Variants in GRIN2B observed in about 807,000 individuals in gnomAD.
GRIN2B encodes the protein glutamate receptor ionotropic, NMDA 2B.
GRIN2B carries 5 observed loss-of-function variants against 114.5 expected under a neutral mutation model. The observed-to-expected ratio is 0.04, with a 90% confidence interval of 0.02 to 0.09. The LOEUF (loss-of-function observed/expected upper bound fraction) is 0.09. Ranked by LOEUF, GRIN2B falls within the 10% of genes least tolerant of loss-of-function variation. The probability of loss-of-function intolerance (pLI) is 1.00; values close to 1 mark genes in which losing one functional copy is unlikely to be tolerated. For synonymous variants in GRIN2B, 787 were observed against 745.1 expected, an observed-to-expected ratio of 1.06 and a Z score of -0.92; for missense variants, 1,108 against 1,943.5, an observed-to-expected ratio of 0.57 and a Z score of 8.08.
At chr12:13,825,496 T>TTTTTGTG (rs375940899) in intron 3 of GRIN2B, among the ~76,000 whole-genome samples, 33 of 122,970 alleles carry the variant, frequency 2.7e-4, no homozygotes, top group South Asian at 2.6e-3. Context: ...TATATATATT[T>TTTTTGTG]TGTGTGTGTG....
At chr12:13,711,641 C>T (rs1950415766) in intron 4 of GRIN2B, among the ~76,000 whole-genome samples, 1 of 152,094 alleles carries the variant, frequency 6.6e-6, no homozygotes, top group Admixed American at 6.5e-5. Flanking sequence ...CTCATCATCA[C>T]TGGCCATCAG....
chr12:13,971,114 T>C (rs1030523236), intron 2 of GRIN2B, among the ~76,000 whole-genome samples: 3 of 152,206 alleles, frequency 2.0e-5, no homozygotes, highest in African/African-American at 7.2e-5. Context: ...CCAGTAGATA[T>C]TTGAAAAATT....
At chr12:13,677,491 T>A (rs1376911549) in intron 4 of GRIN2B, among the ~76,000 whole-genome samples, 1 of 152,186 alleles carries the variant, frequency 6.6e-6, no homozygotes, top group African/African-American at 2.4e-5. Flanking sequence ...CTGTGTAGCT[T>A]CACAAATGCA....
intron 4 of GRIN2B, among the ~76,000 whole-genome samples, chr12:13,739,868 T>C (rs1863251236): frequency 1.3e-5 from 2 of 152,178 alleles, no homozygotes. Flanking sequence ...GGAACGCTGC[T>C]GAGTAGCACC....
intron 3 of GRIN2B, among the ~76,000 whole-genome samples, chr12:13,769,854 C>T (rs1369327244): frequency 6.6e-6 from 1 of 152,236 alleles, no homozygotes; most frequent in Non-Finnish European, 1.5e-5. Flanking sequence ...ATGGTGGCTG[C>T]TCCACATGTC....
At chr12:13,631,684 G>T (rs898808692) in intron 5 of GRIN2B, among the ~76,000 whole-genome samples, 1 of 152,140 alleles carries the variant, frequency 6.6e-6, no homozygotes, top group Non-Finnish European at 1.5e-5. Flanking sequence ...TGGCTCAACT[G>T]GATTCAAATC....
intron 3 of GRIN2B, among the ~76,000 whole-genome samples, chr12:13,768,900 G>A (rs546704018): frequency 6.6e-6 from 1 of 152,216 alleles, no homozygotes; most frequent in South Asian, 2.1e-4. Flanking sequence ...CTGGCTTGGT[G>A]GCAGGCGCCG....
intron 3 of GRIN2B, among the ~76,000 whole-genome samples, chr12:13,787,466 C>A (rs1864240617): frequency 6.6e-6 from 1 of 152,200 alleles, no homozygotes; most frequent in Non-Finnish European, 1.5e-5. Context: ...TAACCCCCAG[C>A]GCCTCTCCCT....
chr12:13,563,555 G>A lies in GRIN2B; in HGVS notation c.3683C>T (p.Thr1228Met), dbSNP rs75670883. The change falls in exon 14 of 14, where the codon ACG (threonine) becomes ATG (methionine). Residue 1228 changes from threonine (T) to methionine (M), a missense_variant. Physicochemically the swap from Thr to Met is moderately conservative, Grantham distance 81. This residue lies in a region of GRIN2B where 478 missense variants were observed against 506.0 expected (regional missense o/e 0.94). Transcript: ENST00000609686. ...CCTGCCCGAGTTCTGACCCGTCACC[G>A]TCGTGGAGTAGTTGTGCAGCTTGGA... ...CPSKLHNYST[T>M]VTGQNSGRQA... 23 of 1,613,998 alleles carry A rather than the reference G, an allele frequency of 1.4e-5. No individual in the cohort carries two copies. The East Asian group carries it at 2.2e-4, about 16-fold the overall frequency.
At chr12:13,844,412 C>T (rs549507572) in intron 3 of GRIN2B, among the ~76,000 whole-genome samples, 1 of 152,214 alleles carries the variant, frequency 6.6e-6, no homozygotes, top group African/African-American at 2.4e-5. Flanking sequence ...CTTTTTCTTC[C>T]CTTTAAGTAA....
At chr12:13,667,166 A>G (rs1949984457) in intron 5 of GRIN2B, among the ~76,000 whole-genome samples, 1 of 152,150 alleles carries the variant, frequency 6.6e-6, no homozygotes, top group Admixed American at 6.6e-5. Flanking sequence ...AACATGATGA[A>G]AAATGCAGAC....
intron 3 of GRIN2B, among the ~76,000 whole-genome samples, chr12:13,837,929 A>T (rs1287210325): frequency 6.6e-6 from 1 of 152,190 alleles, no homozygotes; most frequent in Admixed American, 6.5e-5. Context: ...CCATGGGCAC[A>T]CTGCGTTTCT....
chr12:13,735,463 A>C (rs1863161586), intron 4 of GRIN2B, among the ~76,000 whole-genome samples: 1 of 152,184 alleles, frequency 6.6e-6, no homozygotes, highest in Non-Finnish European at 1.5e-5. Context: ...TATTTGAGAA[A>C]TTTTAAGCAT....
chr12:13,731,870 A>G (rs552462278), intron 4 of GRIN2B, among the ~76,000 whole-genome samples: 2 of 152,306 alleles, frequency 1.3e-5, no homozygotes, highest in African/African-American at 4.8e-5. Flanking sequence ...TCTTAAAATA[A>G]CCATTTATCA....
At chr12:13,891,788 A>G (rs541790624) in intron 2 of GRIN2B, among the ~76,000 whole-genome samples, 9 of 152,322 alleles carry the variant, frequency 5.9e-5, no homozygotes, top group African/African-American at 2.2e-4. Flanking sequence ...TATGATCACC[A>G]TCGTCAACAC....
intron 4 of GRIN2B, among the ~76,000 whole-genome samples, chr12:13,722,083 A>G (rs1461527672): frequency 6.6e-6 from 1 of 152,168 alleles, no homozygotes; most frequent in African/African-American, 2.4e-5. Context: ...AAGAGCCACA[A>G]GAACCATTCC....
intron 5 of GRIN2B, among the ~76,000 whole-genome samples, chr12:13,648,038 G>T (rs1278211663): frequency 6.6e-6 from 1 of 152,046 alleles, no homozygotes; most frequent in Non-Finnish European, 1.5e-5. Flanking sequence ...GGCTTGGCTG[G>T]GCCTGTCTGC....
chr12:13,789,976 G>A (rs1338965586), intron 3 of GRIN2B, among the ~76,000 whole-genome samples: 1 of 152,142 alleles, frequency 6.6e-6, no homozygotes, highest in East Asian at 1.9e-4. Context: ...AGCTTGGCAT[G>A]AGTTGAAAGC....
intron 4 of GRIN2B, among the ~76,000 whole-genome samples, chr12:13,716,575 A>C (rs571537921): frequency 6.6e-6 from 1 of 151,922 alleles, no homozygotes; most frequent in Non-Finnish European, 1.5e-5. Flanking sequence ...ATTGATGTCG[A>C]ATTTTTCAAG....
Sources: allele counts gnomAD v4.1 joint callset (sites outside exome capture counted in the v4.1 genomes callset), GRCh38; gene constraint gnomAD v4.1.1; regional missense constraint gnomAD v4.1.1; transcripts MANE v1.5; gene names NCBI Gene and HGNC (gene_info 2026-07-23, HGNC 2026-07-21).